The following HS3ST4 variants were observed in gnomAD, a reference collection of about 807,000 sequenced individuals.
The protein encoded by HS3ST4 is heparan sulfate-glucosamine 3-sulfotransferase 4.
A neutral mutation model predicts 29.2 loss-of-function variants in HS3ST4; 17 were observed. The observed-to-expected ratio is 0.58, with a 90% CI of 0.40 to 0.87. HS3ST4 has a LOEUF of 0.87. HS3ST4 is among the 40% of genes least tolerant of loss of function. The probability of loss-of-function intolerance (pLI) is 0.00; values close to 1 mark genes in which losing one functional copy is unlikely to be tolerated. For missense variants in HS3ST4, 627 were observed against 634.5 expected (o/e 0.99, Z 0.13); for synonymous variants, 314 against 285.7 (o/e 1.10, Z -1.00).
At chr16:26,034,284 G>A (rs533386760) in intron 1 of HS3ST4, among the ~76,000 whole-genome samples, 56 of 152,292 alleles carry the variant, frequency 3.7e-4, no homozygotes, top group Non-Finnish European at 6.2e-4. Context: ...CAGCATTTAA[G>A]GGAGCTGTAA....
chr16:25,980,193 CT>C (rs1411429824), intron 1 of HS3ST4, among the ~76,000 whole-genome samples: 1 of 152,188 alleles, frequency 6.6e-6, no homozygotes, highest in African/African-American at 2.4e-5. Flanking sequence ...CTAGGAGTGA[CT>C]TTCCAGGCCC....
At chr16:25,746,487 G>T (rs1966686020) in intron 1 of HS3ST4, among the ~76,000 whole-genome samples, 1 of 152,084 alleles carries the variant, frequency 6.6e-6, no homozygotes, top group African/African-American at 2.4e-5. Context: ...ACAGCACATG[G>T]TGCGTAGTCA....
chr16:25,937,793 G>T (rs981205196), intron 1 of HS3ST4, among the ~76,000 whole-genome samples: 1 of 152,156 alleles, frequency 6.6e-6, no homozygotes, highest in African/African-American at 2.4e-5. Context: ...TTTACCCCTT[G>T]TATCTTCCCA....
At chr16:25,738,260 A>G (rs1464646762) in intron 1 of HS3ST4, among the ~76,000 whole-genome samples, 3 of 152,160 alleles carry the variant, frequency 2.0e-5, no homozygotes, top group Non-Finnish European at 2.9e-5. Context: ...AAGTTTTCCT[A>G]GGCTGATGGT....
At chr16:25,856,337 T>C (rs994700084) in intron 1 of HS3ST4, among the ~76,000 whole-genome samples, 7 of 152,146 alleles carry the variant, frequency 4.6e-5, no homozygotes, top group African/African-American at 1.4e-4. Flanking sequence ...TGAACTTTCA[T>C]CCCCACCCTC....
At chr16:26,040,492 A>G (rs952882082) in intron 1 of HS3ST4, among the ~76,000 whole-genome samples, 1 of 151,700 alleles carries the variant, frequency 6.6e-6, no homozygotes, top group African/African-American at 2.4e-5. Flanking sequence ...TTTAGTAGAG[A>G]TGGGGTTTCA....
chr16:25,920,957 A>G (rs916130853), intron 1 of HS3ST4, among the ~76,000 whole-genome samples: 4 of 152,098 alleles, frequency 2.6e-5, no homozygotes, highest in African/African-American at 9.7e-5. Context: ...TTATGTAGTC[A>G]TACCTATCTG....
At chr16:26,099,505 T>C (rs1438804203) in intron 1 of HS3ST4, among the ~76,000 whole-genome samples, 2 of 152,168 alleles carry the variant, frequency 1.3e-5, no homozygotes, top group Non-Finnish European at 2.9e-5. Flanking sequence ...TACTTAAAAG[T>C]TTAGATTAAG....
At chr16:25,768,092 C>G (rs1371754025) in intron 1 of HS3ST4, among the ~76,000 whole-genome samples, 1 of 152,174 alleles carries the variant, frequency 6.6e-6, no homozygotes, top group Non-Finnish European at 1.5e-5. Flanking sequence ...GAGAGAGTGA[C>G]TGGTCCTGTG....
In HS3ST4 at chr16:25,753,799, A is replaced by AT. The variant is rs565966363; in HGVS notation, c.734+60655dup. On this transcript the variant is annotated intron_variant, in intron 1 of 1. Coordinates refer to ENST00000331351, the MANE Select transcript of HS3ST4 (RefSeq NM_006040.3). ...AGCACCAAACAAATGGGTTTCACTT[A>AT]TTTTTTTAATTGCTTATTTCTTCTG... Among the ~76,000 whole-genome samples the AT allele has an allele frequency of 8.3e-4, 126 of 152,130 alleles. No homozygotes were observed. The East Asian group carries it at 0.02, about 25-fold the overall frequency.
intron 1 of HS3ST4, among the ~76,000 whole-genome samples, chr16:26,038,654 TTATGTATGTA>T (rs1969606379): frequency 6.7e-6 from 1 of 149,634 alleles, no homozygotes; most frequent in African/African-American, 2.5e-5. Context: ...TTTTTTTTAA[TTATGTATGTA>T]TGTATGTATG....
intron 1 of HS3ST4, among the ~76,000 whole-genome samples, chr16:26,020,305 C>T (rs1969400178): frequency 6.6e-6 from 1 of 152,140 alleles, no homozygotes; most frequent in Non-Finnish European, 1.5e-5. Context: ...AGGGCCACAG[C>T]TCTTGCATCT....
chr16:25,783,882 A>C (rs1966854905), intron 1 of HS3ST4, among the ~76,000 whole-genome samples: 1 of 152,052 alleles, frequency 6.6e-6, no homozygotes. Context: ...GCTTCACTGC[A>C]GTGCAATTTG....
intron 1 of HS3ST4, among the ~76,000 whole-genome samples, chr16:25,987,771 A>G (rs939234604): frequency 4.1e-5 from 6 of 146,426 alleles, no homozygotes; most frequent in Admixed American, 1.4e-4. Context: ...TTGATTGATT[A>G]ATTGATTTTT....
At chr16:26,016,377 G>T (rs969079876) in intron 1 of HS3ST4, among the ~76,000 whole-genome samples, 1 of 152,156 alleles carries the variant, frequency 6.6e-6, no homozygotes, top group African/African-American at 2.4e-5. Context: ...CGTGAACAGG[G>T]CATTGAGTAA....
At chr16:25,764,686 C>T (rs1043079279) in intron 1 of HS3ST4, among the ~76,000 whole-genome samples, 1 of 152,152 alleles carries the variant, frequency 6.6e-6, no homozygotes, top group Non-Finnish European at 1.5e-5. Context: ...AGCTTGGGAT[C>T]CAAATCAGTG....
intron 1 of HS3ST4, among the ~76,000 whole-genome samples, chr16:26,012,936 G>A (rs961449490): frequency 3.3e-5 from 5 of 151,998 alleles, no homozygotes; most frequent in African/African-American, 1.2e-4. Context: ...AGGCCGAGGC[G>A]GGCAGATCAC....
chr16:25,791,528 C>A (rs1421383403), intron 1 of HS3ST4, among the ~76,000 whole-genome samples: 2 of 152,056 alleles, frequency 1.3e-5, no homozygotes, highest in Admixed American at 6.5e-5. Context: ...CTTAATTGAT[C>A]TTTTAGTCTA....
intron 1 of HS3ST4, among the ~76,000 whole-genome samples, chr16:25,960,333 C>T: frequency 6.6e-6 from 1 of 152,040 alleles, no homozygotes; most frequent in African/African-American, 2.4e-5. Flanking sequence ...TTATAAGTTA[C>T]CCAGCCTCAG....
Sources: gnomAD v4.1 joint callset for allele counts (sites outside exome capture counted in the v4.1 genomes callset) on GRCh38, gnomAD v4.1.1 for gene constraint, MANE v1.5 for transcripts, NCBI Gene and HGNC (gene_info 2026-07-23, HGNC 2026-07-21) for gene names.